PDS5A: variants seen among roughly 807,000 people sequenced by gnomAD.
The protein encoded by PDS5A is sister chromatid cohesion protein PDS5 homolog A.
A neutral mutation model predicts 167.1 loss-of-function variants in PDS5A; 42 were observed. The ratio of observed to expected loss-of-function variants is 0.25; its 90% CI spans 0.20 to 0.33. PDS5A has a LOEUF of 0.33. Among genes scored for constraint, PDS5A ranks in the 10% least tolerant of loss-of-function variants. PDS5A has a pLI of 1.00. For missense variants in PDS5A, 1,033 were observed against 1,605.9 expected, an observed-to-expected ratio of 0.64 and a Z score of 6.10; for synonymous variants, 553 against 554.6, an observed-to-expected ratio of 1.00 and a Z score of 0.04.
chr4:39,969,565 C>T (rs1730307105), intron 2 of PDS5A, among the ~76,000 whole-genome samples: 1 of 152,066 alleles, frequency 6.6e-6, no homozygotes. Flanking sequence ...ATTCAGGAGG[C>T]TGAGGCAGGA....
At chr4:39,895,398 CAG>C (rs1195057877) in intron 16 of PDS5A, among the ~76,000 whole-genome samples, 1 of 151,898 alleles carries the variant, frequency 6.6e-6, no homozygotes, top group Non-Finnish European at 1.5e-5. Context: ...TATCTAAACA[CAG>C]GGTAAAAATA....
intron 17 of PDS5A, among the ~76,000 whole-genome samples, chr4:39,888,686 AC>A: frequency 1.4e-5 from 2 of 138,390 alleles, no homozygotes; most frequent in Non-Finnish European, 1.6e-5. Context: ...CAAGCCAAGA[AC>A]AACAAAAAAA....
intron 2 of PDS5A, among the ~76,000 whole-genome samples, chr4:39,972,725 A>G (rs1264321335): frequency 6.6e-6 from 1 of 150,920 alleles, no homozygotes; most frequent in Non-Finnish European, 1.5e-5. Context: ...AAAGAATTTT[A>G]TAATCCAAAT....
intron 2 of PDS5A, among the ~76,000 whole-genome samples, chr4:39,953,158 G>C (rs1728573314): frequency 6.6e-6 from 1 of 152,130 alleles, no homozygotes; most frequent in Admixed American, 6.6e-5. Context: ...TTGGTTTCTT[G>C]GTTTAGAGGT....
intron 23 of PDS5A, among the ~76,000 whole-genome samples, chr4:39,864,456 T>C (rs1719256987): frequency 6.6e-6 from 1 of 152,230 alleles, no homozygotes; most frequent in East Asian, 1.9e-4. Flanking sequence ...TGGATTTTTA[T>C]TACTTACGTG....
intron 5 of PDS5A, among the ~76,000 whole-genome samples, chr4:39,925,497 G>T (rs765976702): frequency 6.6e-6 from 1 of 152,110 alleles, no homozygotes; most frequent in Admixed American, 6.5e-5. Context: ...GGTTTCAGAC[G>T]ATTTGCTTTA....
At chr4:39,908,787 GC>G in intron 10 of PDS5A, 1 of 409,542 alleles carries the variant, frequency 2.4e-6, no homozygotes, top group Non-Finnish European at 4.3e-6. Flanking sequence ...ACTTTGGGAG[GC>G]TGAGGCAGGC....
At chr4:39,927,917 G>C (rs1265877601) in intron 3 of PDS5A, 44 bp downstream of exon 3, 2 of 1,314,106 alleles carry the variant, frequency 1.5e-6, no homozygotes, top group Non-Finnish European at 2.2e-6. Flanking sequence ...CTTCTGAACA[G>C]TGGTGAATGA....
chr4:39,886,503 T>C (rs181139461), intron 17 of PDS5A, among the ~76,000 whole-genome samples: 6 of 152,070 alleles, frequency 3.9e-5, no homozygotes, highest in African/African-American at 1.4e-4. Flanking sequence ...CACCTGAGGT[T>C]GGGAGTTTGA....
In PDS5A at chr4:39,977,817, GC is replaced by G. The variant is rs1168058887; in HGVS notation, c.-402del. 4.0e-5 allele frequency: 6 copies of G among 149,664 alleles called. No homozygotes were observed. In the East Asian group the frequency reaches 1.2e-3, roughly 29 times the overall value. 9.3% of individuals were successfully genotyped at this position (149,664 alleles called of 1,614,324 possible). On this transcript the variant is annotated 5_prime_UTR_variant, in exon 1 of 33. Transcript: ENST00000303538. The surrounding 1 kb of genome is among the most constrained non-coding windows in gnomAD (Gnocchi z 4.2). ...CCGGACCGCCGACTCGGACCCGGAC[GC>G]CCCTCGCAGAGGCGCGCGCCCGGCC...
intron 22 of PDS5A, chr4:39,868,622 C>G (rs1244555445): frequency 4.4e-6 from 2 of 453,418 alleles, no homozygotes; most frequent in Non-Finnish European, 8.8e-6. Context: ...AGCCACCATG[C>G]CTAGCCCAAC....
intron 2 of PDS5A, among the ~76,000 whole-genome samples, chr4:39,967,901 C>T (rs1003399329): frequency 6.6e-6 from 1 of 151,698 alleles, no homozygotes; most frequent in Non-Finnish European, 1.5e-5. Flanking sequence ...GGCAACAGAC[C>T]GAGAGACTCC....
At chr4:39,839,763 G>T (rs919550130) in intron 31 of PDS5A, among the ~76,000 whole-genome samples, 7 of 144,950 alleles carry the variant, frequency 4.8e-5, no homozygotes, top group African/African-American at 7.6e-5. Context: ...CTGGGGGGGG[G>T]GGGCAGGGGA....
intron 2 of PDS5A, among the ~76,000 whole-genome samples, chr4:39,962,289 C>T (rs571290571): frequency 5.5e-4 from 83 of 152,022 alleles, no homozygotes; most frequent in African/African-American, 2.0e-3. Flanking sequence ...ATCTCCTGAC[C>T]TTGTGATCCG....
At chr4:39,969,576 T>C (rs578016232) in intron 2 of PDS5A, among the ~76,000 whole-genome samples, 32 of 152,058 alleles carry the variant, frequency 2.1e-4, no homozygotes, top group African/African-American at 7.5e-4. Flanking sequence ...TGAGGCAGGA[T>C]AATCACTTGA....
chr4:39,934,589 T>C (rs2109752840), intron 2 of PDS5A, among the ~76,000 whole-genome samples: 1 of 149,904 alleles, frequency 6.7e-6, no homozygotes, highest in Non-Finnish European at 1.5e-5. Context: ...ATTTATCTAT[T>C]GCGGTCTTAG....
intron 11 of PDS5A, among the ~76,000 whole-genome samples, 200 bp from the exon 12 acceptor site, chr4:39,904,391 T>G (rs1723135735): frequency 6.6e-6 from 1 of 152,154 alleles, no homozygotes; most frequent in East Asian, 1.9e-4. Flanking sequence ...TAGGCTGGAG[T>G]GCAGTGGCAG....
intron 32 of PDS5A, among the ~76,000 whole-genome samples, chr4:39,831,479 C>T (rs990976615): frequency 1.3e-5 from 2 of 151,996 alleles, no homozygotes; most frequent in Non-Finnish European, 2.9e-5. Context: ...CACTATATTA[C>T]CATTAGCTGT....
chr4:39,950,199 C>A (rs1728216122), intron 2 of PDS5A, among the ~76,000 whole-genome samples: 2 of 152,122 alleles, frequency 1.3e-5, no homozygotes, highest in Admixed American at 1.3e-4. Context: ...CCGCACCCAG[C>A]CAATTGTACG....
Sources: gnomAD v4.1 joint callset for allele counts (sites outside exome capture counted in the v4.1 genomes callset) on GRCh38, gnomAD v4.1.1 for gene constraint, Gnocchi (gnomAD v3.1) non-coding constraint, MANE v1.5 for transcripts, NCBI Gene and HGNC (gene_info 2026-07-23, HGNC 2026-07-21) for gene names.